SOBP: variants seen among roughly 807,000 people sequenced by gnomAD.
SOBP encodes the protein sine oculis binding protein homolog.
A neutral mutation model predicts 53.6 loss-of-function variants in SOBP; 4 were observed. The ratio of observed to expected loss-of-function variants is 0.07; its 90% CI spans 0.04 to 0.17. The LOEUF (loss-of-function observed/expected upper bound fraction) is 0.17. Among genes scored for constraint, SOBP ranks in the 10% least tolerant of loss-of-function variants. The pLI is 1.00. For synonymous variants in SOBP, 584 were observed against 522.6 expected (o/e 1.12, Z -1.60); for missense variants, 1,088 against 1,204.7 (o/e 0.90, Z 1.43).
At chr6:107,560,924 G>A (rs1199587614) in intron 4 of SOBP, among the ~76,000 whole-genome samples, 2 of 152,152 alleles carry the variant, frequency 1.3e-5, no homozygotes, top group African/African-American at 4.8e-5. Flanking sequence ...TCAGAAATGT[G>A]TGCTTCCAGC....
chr6:107,612,227 T>G (rs547440368), intron 5 of SOBP, among the ~76,000 whole-genome samples: 2 of 152,246 alleles, frequency 1.3e-5, no homozygotes, highest in Admixed American at 1.3e-4. Context: ...CAACATTGGC[T>G]CAACACTGAG....
At chr6:107,577,304 T>C (rs1785252493) in intron 4 of SOBP, among the ~76,000 whole-genome samples, 1 of 152,256 alleles carries the variant, frequency 6.6e-6, no homozygotes, top group Non-Finnish European at 1.5e-5. Context: ...AGCTACATTA[T>C]TGTACTTCTG....
intron 3 of SOBP, among the ~76,000 whole-genome samples, 188 bp from the exon 4 acceptor site, chr6:107,533,271 C>CA (rs762864049): frequency 0.16 from 4,992 of 31,230 alleles, 414 homozygotes; most frequent in Non-Finnish European, 0.2. Context: ...ACTTAGGAGC[C>CA]AAAAAAAAAA....
chr6:107,655,091 C>T (rs1420532766), intron 6 of SOBP, among the ~76,000 whole-genome samples: 1 of 151,746 alleles, frequency 6.6e-6, no homozygotes, highest in Admixed American at 6.6e-5. Flanking sequence ...AGTAATTTCC[C>T]CTTTGCACAG....
At chr6:107,566,300 C>T (rs922331129) in intron 4 of SOBP, among the ~76,000 whole-genome samples, 3 of 152,188 alleles carry the variant, frequency 2.0e-5, no homozygotes. Flanking sequence ...GATGGTGAGT[C>T]GTGGATGAGA....
chr6:107,596,344 A>G (rs560821000), intron 5 of SOBP, among the ~76,000 whole-genome samples: 9 of 152,264 alleles, frequency 5.9e-5, no homozygotes, highest in South Asian at 2.1e-4. Context: ...TCAATGAACC[A>G]TGGAGGTGGA....
chr6:107,542,882 G>T (rs1016455953), intron 4 of SOBP, among the ~76,000 whole-genome samples: 1 of 152,028 alleles, frequency 6.6e-6, no homozygotes, highest in Non-Finnish European at 1.5e-5. Flanking sequence ...CCCCAACCCG[G>T]TAGAGAGGTT....
chr6:107,572,668 G>A (rs905374465), intron 4 of SOBP, among the ~76,000 whole-genome samples: 76 of 152,230 alleles, frequency 5.0e-4, no homozygotes, highest in African/African-American at 1.7e-3. Context: ...TCTCCCTGTC[G>A]TTTATCTTTT....
chr6:107,580,017 A>G (rs1462855207), intron 4 of SOBP, among the ~76,000 whole-genome samples: 1 of 152,232 alleles, frequency 6.6e-6, no homozygotes, highest in Non-Finnish European at 1.5e-5. Context: ...ATTTAAATAC[A>G]TTTGGTTAAA....
intron 4 of SOBP, among the ~76,000 whole-genome samples, chr6:107,538,719 G>A (rs932715657): frequency 6.6e-6 from 1 of 152,152 alleles, no homozygotes; most frequent in Non-Finnish European, 1.5e-5. Flanking sequence ...CTCCCTTTTG[G>A]TCATAGCAAA....
At chr6:107,492,524 C>T (rs2127140) in intron 1 of SOBP, among the ~76,000 whole-genome samples, 6,159 of 152,192 alleles carry the variant, frequency 0.04, 184 homozygotes, top group Non-Finnish European at 0.065. Flanking sequence ...TTGGGGCTCG[C>T]GTTGTTGATT....
chr6:107,590,145 G>A (rs1785696931), intron 5 of SOBP, among the ~76,000 whole-genome samples: 1 of 152,168 alleles, frequency 6.6e-6, no homozygotes. Context: ...CTAGAGTGAG[G>A]AGGACCATAA....
At chr6:107,550,056 G>A (rs1243699418) in intron 4 of SOBP, among the ~76,000 whole-genome samples, 1 of 152,214 alleles carries the variant, frequency 6.6e-6, no homozygotes, top group African/African-American at 2.4e-5. Context: ...GAAGTTGGCA[G>A]CTTCCATTTT....
intron 3 of SOBP, chr6:107,529,616 G>T: frequency 1.0e-6 from 1 of 985,402 alleles, no homozygotes. Context: ...GGTCAGGTAA[G>T]TTAGTATACA....
intron 4 of SOBP, among the ~76,000 whole-genome samples, chr6:107,540,679 C>G (rs1167625544): frequency 6.6e-6 from 1 of 152,180 alleles, no homozygotes; most frequent in East Asian, 1.9e-4. Flanking sequence ...ACTGAGCACT[C>G]TAGTTAAATG....
chr6:107,490,324 TGGCTGC>T lies in SOBP; in HGVS notation c.-289_-284del. 1 of 151,606 alleles carries T rather than the reference TGGCTGC, an allele frequency of 6.6e-6. No individual in the cohort carries two copies. The highest frequency in any genetic ancestry group is 1.4e-5 in the Non-Finnish European group (1 of 71,102). The allele number at this position is 151,606 out of a possible 1,614,324, so 9.4% of individuals were successfully genotyped here. On this transcript the variant is annotated 5_prime_UTR_variant, in exon 1 of 7. Transcript: ENST00000317357. ...GGGGCAGCGGCAGCAGCGGCGGCGT[TGGCTGC>T]GGCGGCGGCGGCGGCGGCAGCAGGA... is the stretch of plus-strand genomic sequence containing the variant.
At chr6:107,605,237 A>G (rs1396263513) in intron 5 of SOBP, among the ~76,000 whole-genome samples, 2 of 152,232 alleles carry the variant, frequency 1.3e-5, no homozygotes, top group African/African-American at 4.8e-5. Flanking sequence ...GTGGGAATAG[A>G]GCAAGTCAAA....
chr6:107,491,212 G>T (rs1443667445), intron 1 of SOBP, among the ~76,000 whole-genome samples: 3 of 152,160 alleles, frequency 2.0e-5, no homozygotes, highest in Non-Finnish European at 4.4e-5. Context: ...TGAAGAGCCC[G>T]TCAGTGCCCG....
chr6:107,519,760 C>T (rs1292735524), intron 3 of SOBP, among the ~76,000 whole-genome samples: 1 of 152,186 alleles, frequency 6.6e-6, no homozygotes, highest in Non-Finnish European at 1.5e-5. Flanking sequence ...ACACCAGTCT[C>T]CCTTAGCAGT....
Sources: allele counts gnomAD v4.1 joint callset (sites outside exome capture counted in the v4.1 genomes callset), GRCh38; gene constraint gnomAD v4.1.1; transcripts MANE v1.5; gene names NCBI Gene and HGNC (gene_info 2026-07-23, HGNC 2026-07-21).